MIR2052HG: variants seen among roughly 807,000 people sequenced by gnomAD.
MIR2052HG encodes MIR2052 host gene.
At chr8:74,703,824 G>C in intron 4 of MIR2052HG, 1 of 293,076 alleles carries the variant, frequency 3.4e-6, no homozygotes, top group South Asian at 3.1e-5. Flanking sequence ...ATTGTGGATA[G>C]CTGAGGATTA....
chr8:74,730,216 C>A (rs73687261), intron 4 of MIR2052HG, among the ~76,000 whole-genome samples: 1,610 of 152,274 alleles, frequency 0.011, 32 homozygotes, highest in African/African-American at 0.036. Context: ...TCCTAAACCA[C>A]TTTTCCTTAC....
chr8:74,743,598 A>G (rs1809853703), intron 4 of MIR2052HG, among the ~76,000 whole-genome samples: 1 of 152,210 alleles, frequency 6.6e-6, no homozygotes, highest in South Asian at 2.1e-4. Flanking sequence ...AAGAAAATGT[A>G]AACAAACTTA....
chr8:74,658,849 G>A (rs919369680), intron 2 of MIR2052HG, among the ~76,000 whole-genome samples: 5 of 152,080 alleles, frequency 3.3e-5, no homozygotes, highest in Non-Finnish European at 7.4e-5. Flanking sequence ...ATACATGTTT[G>A]CACCAAGAAG....
At chr8:74,733,430 C>G (rs376123434) in intron 4 of MIR2052HG, among the ~76,000 whole-genome samples, 13 of 152,016 alleles carry the variant, frequency 8.6e-5, no homozygotes, top group Admixed American at 3.3e-4. Context: ...TTTATGGCTG[C>G]ATAGTATTCC....
chr8:74,730,412 C>G (rs1809679577), intron 4 of MIR2052HG, among the ~76,000 whole-genome samples: 1 of 152,140 alleles, frequency 6.6e-6, no homozygotes, highest in African/African-American at 2.4e-5. Context: ...AGAGTTTCTA[C>G]TGTTCATAAG....
chr8:74,733,263 G>A (rs1053124565), intron 4 of MIR2052HG, among the ~76,000 whole-genome samples: 3 of 151,828 alleles, frequency 2.0e-5, no homozygotes, highest in African/African-American at 7.3e-5. Context: ...CCCAGAGTGT[G>A]ATGTTCCCCT....
At chr8:74,606,162 G>C (rs999006526) in intron 1 of MIR2052HG, among the ~76,000 whole-genome samples, 3 of 152,278 alleles carry the variant, frequency 2.0e-5, no homozygotes, top group East Asian at 1.9e-4. Context: ...TGATAGACGC[G>C]GGGCTTTGGG....
chr8:74,717,971 A>C (rs1381487670), intron 4 of MIR2052HG, among the ~76,000 whole-genome samples: 1 of 152,190 alleles, frequency 6.6e-6, no homozygotes, highest in African/African-American at 2.4e-5. Context: ...ATATCATCTT[A>C]AAATGTTTTC....
At chr8:74,702,392 A>G in exon 3 of MIR2052HG, 1 of 454,136 alleles carries the variant, frequency 2.2e-6, no homozygotes, top group Non-Finnish European at 4.4e-6. Context: ...AAGCTATGCC[A>G]TCTTTTATGT....
chr8:74,739,561 A>G (rs1408668513), intron 4 of MIR2052HG, among the ~76,000 whole-genome samples: 1 of 152,180 alleles, frequency 6.6e-6, no homozygotes, highest in African/African-American at 2.4e-5. Context: ...TTCATAGGAA[A>G]TGGAGAATGC....
At chr8:74,674,503 C>T (rs1255607732) in intron 2 of MIR2052HG, among the ~76,000 whole-genome samples, 1 of 151,926 alleles carries the variant, frequency 6.6e-6, no homozygotes, top group African/African-American at 2.4e-5. Context: ...ACGTACATTT[C>T]TACTAACAAG....
chr8:74,691,367 G>T (rs1384826281), intron 2 of MIR2052HG, among the ~76,000 whole-genome samples: 1 of 152,188 alleles, frequency 6.6e-6, no homozygotes, highest in Non-Finnish European at 1.5e-5. Context: ...GTGCTCTGAG[G>T]AGTTGGTCAA....
At chr8:74,632,339 G>A (rs1369289992) in intron 2 of MIR2052HG, 1 of 152,158 alleles carries the variant, frequency 6.6e-6, no homozygotes, top group Admixed American at 6.5e-5. Context: ...AGGATGTGTG[G>A]CCACCAGAGC....
rs542674514 is a variant in MIR2052HG at position 74,730,702 on chromosome 8, TC to T, written n.372-21738del. Among the ~76,000 whole-genome samples the T allele has an allele frequency of 1.8e-3, 270 of 152,306 alleles. 1 individual carries two copies. The Middle Eastern group carries it at 0.02, about 12-fold the overall frequency. ...TTTGGAATTTCAAACTTCATATTGATCAGTAAATTCACTTTTAGGATTCTGC... is the reference window on the plus strand; with the variant it reads ...TTTGGAATTTCAAACTTCATATTGATAGTAAATTCACTTTTAGGATTCTGC... On this transcript the variant is annotated intron_variant and non_coding_transcript_variant, in intron 4 of 6. Transcript: ENST00000523442.
At chr8:74,680,717 A>G (rs1003873688) in intron 2 of MIR2052HG, among the ~76,000 whole-genome samples, 1 of 152,296 alleles carries the variant, frequency 6.6e-6, no homozygotes, top group Admixed American at 6.5e-5. Context: ...TACTGGGTAT[A>G]TACTCAAAGG....
At chr8:74,665,023 G>A (rs1432357134) in intron 2 of MIR2052HG, among the ~76,000 whole-genome samples, 1 of 152,022 alleles carries the variant, frequency 6.6e-6, no homozygotes, top group Non-Finnish European at 1.5e-5. Context: ...GTATTTCCTG[G>A]CCTTCTTTGA....
intron 2 of MIR2052HG, among the ~76,000 whole-genome samples, chr8:74,692,984 G>T (rs936735350): frequency 1.3e-5 from 2 of 152,178 alleles, no homozygotes; most frequent in African/African-American, 4.8e-5. Context: ...GCATGAAAAT[G>T]GCTTTGATTC....
intron 2 of MIR2052HG, among the ~76,000 whole-genome samples, chr8:74,700,440 G>A (rs1489521658): frequency 3.9e-5 from 6 of 152,096 alleles, no homozygotes; most frequent in Non-Finnish European, 5.9e-5. Flanking sequence ...AAACTTTTCT[G>A]ATAGCCACAT....
At chr8:74,673,683 G>T (rs933723111) in intron 2 of MIR2052HG, among the ~76,000 whole-genome samples, 1 of 151,746 alleles carries the variant, frequency 6.6e-6, no homozygotes, top group Admixed American at 6.6e-5. Flanking sequence ...ATATATTGTA[G>T]TTCATTCATA....
Sources: gnomAD v4.1 joint callset for allele counts (sites outside exome capture counted in the v4.1 genomes callset) on GRCh38, gnomAD v4.1.1 for gene constraint, MANE v1.5 for transcripts, NCBI Gene and HGNC (gene_info 2026-07-23, HGNC 2026-07-21) for gene names.